Variants in EBF3 observed in about 807,000 individuals in gnomAD.
The protein encoded by EBF3 is transcription factor COE3.
A neutral mutation model predicts 77.1 loss-of-function variants in EBF3; 18 were observed. That is an observed-to-expected ratio of 0.23 (90% CI 0.16 to 0.35). EBF3 has a LOEUF of 0.35. Ranked by LOEUF, EBF3 falls within the 10% of genes least tolerant of loss-of-function variation. EBF3 has a pLI of 1.00. For missense variants in EBF3, 558 were observed against 860.0 expected (o/e 0.65, Z 4.39); for synonymous variants, 350 against 343.5 (o/e 1.02, Z -0.21).
chr10:129,873,552 G>T lies in EBF3; in HGVS notation c.681C>A (p.Ala227=). The T allele has an allele frequency of 6.3e-7, 1 of 1,583,398 alleles. No homozygotes were observed. The highest frequency in any genetic ancestry group is 8.6e-7 in the Non-Finnish European group (1 of 1,161,472). ...TTVNVDGHVL[A]VSDNMFVHNN... ...TGTGCACAAACATGTTGTCTGACACGGCCAGCACGTGGCCGTCCACGTTGA... is the reference window on the plus strand; with the variant it reads ...TGTGCACAAACATGTTGTCTGACACTGCCAGCACGTGGCCGTCCACGTTGA... Residue 227 remains alanine (A), a synonymous_variant, in exon 8 of 17, where the codon GCC becomes GCA. Coordinates refer to ENST00000440978, the MANE Select transcript of EBF3 (RefSeq NM_001375380.1).
chr10:129,920,982 C>T (rs992980177), intron 6 of EBF3, among the ~76,000 whole-genome samples: 2 of 152,052 alleles, frequency 1.3e-5, no homozygotes, highest in African/African-American at 4.8e-5. Context: ...CCTGAGGTGC[C>T]CTCGGTGGTC....
At chr10:129,902,265 C>T (rs866609421) in intron 6 of EBF3, among the ~76,000 whole-genome samples, 1 of 149,910 alleles carries the variant, frequency 6.7e-6, no homozygotes, top group South Asian at 2.1e-4. Flanking sequence ...TTCAATGCCT[C>T]ATCTACTTTC....
At chr10:129,866,913 C>T (rs889052358) in intron 10 of EBF3, among the ~76,000 whole-genome samples, 2 of 152,198 alleles carry the variant, frequency 1.3e-5, no homozygotes, top group Non-Finnish European at 2.9e-5. Flanking sequence ...AGAGAGGTAC[C>T]GAAGGTCACA....
chr10:129,846,424 C>T (rs1021830321), intron 11 of EBF3, among the ~76,000 whole-genome samples: 2 of 151,896 alleles, frequency 1.3e-5, no homozygotes, highest in African/African-American at 4.8e-5. Context: ...GAGGAGGGGG[C>T]AGCACTCCTC....
At chr10:129,899,812 T>C (rs1854657443) in intron 6 of EBF3, among the ~76,000 whole-genome samples, 1 of 152,176 alleles carries the variant, frequency 6.6e-6, no homozygotes, top group African/African-American at 2.4e-5. Flanking sequence ...CCAGGATGCT[T>C]CTCTCTCCTC....
At chr10:129,961,155 C>T (rs1042570421) in intron 4 of EBF3, among the ~76,000 whole-genome samples, 4 of 152,234 alleles carry the variant, frequency 2.6e-5, no homozygotes, top group African/African-American at 9.6e-5. Flanking sequence ...GAAGCCCCAA[C>T]GAGCTCTCCT....
chr10:129,922,334 G>C (rs2134364174), intron 6 of EBF3, among the ~76,000 whole-genome samples: 1 of 152,316 alleles, frequency 6.6e-6, no homozygotes, highest in South Asian at 2.1e-4. Flanking sequence ...CAGCATAGCA[G>C]GTCAGCAGCA....
At chr10:129,939,779 A>G (rs1360483779) in intron 6 of EBF3, among the ~76,000 whole-genome samples, 1 of 152,236 alleles carries the variant, frequency 6.6e-6, no homozygotes, top group Non-Finnish European at 1.5e-5. Flanking sequence ...TGTCACACGC[A>G]AGCTAATACC....
At chr10:129,950,159 G>T (rs972853226) in intron 6 of EBF3, among the ~76,000 whole-genome samples, 1 of 152,080 alleles carries the variant, frequency 6.6e-6, no homozygotes, top group Non-Finnish European at 1.5e-5. Context: ...GACTCCTTCC[G>T]TTCGCGGGGC....
chr10:129,909,387 T>C (rs1855361093), intron 6 of EBF3, among the ~76,000 whole-genome samples: 1 of 152,194 alleles, frequency 6.6e-6, no homozygotes, highest in Non-Finnish European at 1.5e-5. Flanking sequence ...GAAAGCAACT[T>C]TGTTCACAAC....
intron 6 of EBF3, among the ~76,000 whole-genome samples, chr10:129,928,615 T>C (rs143225755): frequency 0.01 from 1,533 of 152,312 alleles, 11 homozygotes; most frequent in Non-Finnish European, 0.016. Flanking sequence ...GAGATATTCC[T>C]AGACAGAGAA....
chr10:129,934,789 C>T (rs1339864078), intron 6 of EBF3, among the ~76,000 whole-genome samples: 1 of 152,148 alleles, frequency 6.6e-6, no homozygotes, highest in Admixed American at 6.5e-5. Context: ...CTGCTCCACC[C>T]ACAGTCAGGC....
intron 6 of EBF3, among the ~76,000 whole-genome samples, chr10:129,898,360 T>C (rs980435189): frequency 6.6e-6 from 1 of 152,090 alleles, no homozygotes; most frequent in Non-Finnish European, 1.5e-5. Flanking sequence ...GCAGGCAAAG[T>C]CTGGGTGGAA....
At chr10:129,915,914 G>GTCC (rs1282302948) in intron 6 of EBF3, among the ~76,000 whole-genome samples, 11 of 152,192 alleles carry the variant, frequency 7.2e-5, no homozygotes, top group Non-Finnish European at 1.5e-4. Context: ...GGGAGACGGG[G>GTCC]AGGGTGCACT....
chr10:129,903,662 G>A (rs1319180887), intron 6 of EBF3, among the ~76,000 whole-genome samples: 1 of 152,190 alleles, frequency 6.6e-6, no homozygotes, highest in Non-Finnish European at 1.5e-5. Context: ...AGAATCAGGA[G>A]TGGGGACATA....
At chr10:129,869,149 G>T (rs1852237133) in intron 8 of EBF3, among the ~76,000 whole-genome samples, 2 of 152,170 alleles carry the variant, frequency 1.3e-5, no homozygotes, top group Non-Finnish European at 2.9e-5. Context: ...AAGAGAAGAG[G>T]AAGCCTCTAC....
intron 6 of EBF3, among the ~76,000 whole-genome samples, chr10:129,907,249 C>T (rs576613185): frequency 1.4e-3 from 216 of 152,346 alleles, no homozygotes; most frequent in African/African-American, 4.8e-3. Flanking sequence ...AGACCCTGGG[C>T]GAGGGCGCCC....
intron 10 of EBF3, among the ~76,000 whole-genome samples, chr10:129,866,571 G>C (rs950288343): frequency 1.3e-5 from 2 of 152,188 alleles, no homozygotes; most frequent in African/African-American, 4.8e-5. Flanking sequence ...AGTCTGTCCC[G>C]CACCCTCAAA....
At chr10:129,941,010 C>T (rs900179182) in intron 6 of EBF3, among the ~76,000 whole-genome samples, 2 of 152,184 alleles carry the variant, frequency 1.3e-5, no homozygotes, top group African/African-American at 4.8e-5. Context: ...GTGAGCAAGA[C>T]CTGCTCTTAG....
Sources: gnomAD v4.1 joint callset for allele counts (sites outside exome capture counted in the v4.1 genomes callset) on GRCh38, gnomAD v4.1.1 for gene constraint, MANE v1.5 for transcripts, NCBI Gene and HGNC (gene_info 2026-07-23, HGNC 2026-07-21) for gene names.